MIPOL1: variants seen among roughly 807,000 people sequenced by gnomAD.
MIPOL1 encodes the protein mirror-image polydactyly 1.
A neutral mutation model predicts 60.9 loss-of-function variants in MIPOL1; 57 were observed. That is an observed-to-expected ratio of 0.94 (90% confidence interval 0.76 to 1.17). The LOEUF (loss-of-function observed/expected upper bound fraction) is 1.17. Among genes scored for constraint, MIPOL1 ranks in the 50% most tolerant of loss-of-function variants. MIPOL1 has a pLI of 0.00. For synonymous variants in MIPOL1, 179 were observed against 168.8 expected (o/e 1.06, Z -0.47); for missense variants, 551 against 511.6 (o/e 1.08, Z -0.74).
intron 9 of MIPOL1, among the ~76,000 whole-genome samples, chr14:37,351,408 C>A (rs2091361285): frequency 6.6e-6 from 1 of 150,692 alleles, no homozygotes; most frequent in Admixed American, 6.6e-5. Flanking sequence ...ATTTATAGTC[C>A]TTTGGGTATA....
At chr14:37,417,444 G>A (rs1177454330) in intron 10 of MIPOL1, among the ~76,000 whole-genome samples, 5 of 152,094 alleles carry the variant, frequency 3.3e-5, no homozygotes, top group Admixed American at 3.3e-4. Flanking sequence ...CAACCTCTAA[G>A]GAATCAGCTG....
rs2089729152 is a variant in MIPOL1 at position 37,331,965 on chromosome 14, A to T, written c.828+23446A>T. Reference sequence around the variant, plus strand: ...GGAGTTCAAGACCAGCCTGGCCAGGATGTCTCTACTAAAAATACAAAAATT... The same window carrying T: ...GGAGTTCAAGACCAGCCTGGCCAGGTTGTCTCTACTAAAAATACAAAAATT... On this transcript the variant is annotated intron_variant, in intron 9 of 12. Transcript: ENST00000684589. Among the ~76,000 whole-genome samples, 4 of 151,898 alleles carry T rather than the reference A, an allele frequency of 2.6e-5. No individual in the cohort carries two copies. In the East Asian group the frequency reaches 5.8e-4, roughly 22 times the overall value.
chr14:37,238,349 C>G (rs1185624924), intron 1 of MIPOL1, among the ~76,000 whole-genome samples: 1 of 152,102 alleles, frequency 6.6e-6, no homozygotes, highest in East Asian at 1.9e-4. Flanking sequence ...ATCCCATATT[C>G]TACCTGTCCT....
intron 1 of MIPOL1, among the ~76,000 whole-genome samples, chr14:37,206,138 TG>T (rs1566981983): frequency 6.6e-6 from 1 of 152,134 alleles, no homozygotes; most frequent in African/African-American, 2.4e-5. Flanking sequence ...GAGGTCTTCA[TG>T]GCAGCCCCTC....
At chr14:37,220,826 A>G (rs1968618191) in intron 1 of MIPOL1, among the ~76,000 whole-genome samples, 1 of 152,060 alleles carries the variant, frequency 6.6e-6, no homozygotes, top group Non-Finnish European at 1.5e-5. Flanking sequence ...CCCGGGCTGG[A>G]GTGCAGTGGC....
At chr14:37,433,443 T>C (rs1489934498) in intron 11 of MIPOL1, among the ~76,000 whole-genome samples, 1 of 152,244 alleles carries the variant, frequency 6.6e-6, no homozygotes, top group East Asian at 1.9e-4. Flanking sequence ...ATTGTTCAAC[T>C]TCCGCTTATG....
chr14:37,339,900 A>T, intron 9 of MIPOL1, among the ~76,000 whole-genome samples: 1 of 152,190 alleles, frequency 6.6e-6, no homozygotes, highest in Admixed American at 6.5e-5. Context: ...CATCTTAATT[A>T]GGGTGGTAGT....
intron 12 of MIPOL1, among the ~76,000 whole-genome samples, chr14:37,514,076 G>GA (rs2095350500): frequency 6.6e-6 from 1 of 152,054 alleles, no homozygotes. Flanking sequence ...ATTTGATAGG[G>GA]AAAAATACCA....
intron 7 of MIPOL1, among the ~76,000 whole-genome samples, chr14:37,288,128 A>G (rs894197328): frequency 6.6e-6 from 1 of 151,918 alleles, no homozygotes; most frequent in East Asian, 1.9e-4. Context: ...ATGGACTTTT[A>G]TTAATTGTTT....
intron 3 of MIPOL1, among the ~76,000 whole-genome samples, chr14:37,261,547 A>G (rs954571778): frequency 6.6e-6 from 1 of 152,108 alleles, no homozygotes; most frequent in Non-Finnish European, 1.5e-5. Flanking sequence ...TTTTCTTAAT[A>G]TTTGAGAGAA....
At chr14:37,369,436 A>G (rs2092576625) in intron 9 of MIPOL1, 81 bp from the exon 10 acceptor site, 5 of 918,064 alleles carry the variant, frequency 5.4e-6, no homozygotes, top group Non-Finnish European at 8.5e-6. Context: ...ATACAATGAT[A>G]TTATTTACAT....
At chr14:37,420,342 A>G (rs1226493691) in intron 10 of MIPOL1, among the ~76,000 whole-genome samples, 1 of 152,092 alleles carries the variant, frequency 6.6e-6, no homozygotes, top group African/African-American at 2.4e-5. Context: ...TTTTTGTTTA[A>G]TGCATGCATT....
At chr14:37,250,667 A>G (rs983682720) in intron 3 of MIPOL1, among the ~76,000 whole-genome samples, 1 of 152,218 alleles carries the variant, frequency 6.6e-6, no homozygotes, top group East Asian at 1.9e-4. Flanking sequence ...GGCAGGGTTC[A>G]TGGGATTTAT....
rs1427203629 is a variant in MIPOL1, at chr14:37,331,659, G to GT, written c.828+23147dup. Reference sequence around the variant, plus strand: ...CTGAATTCATTTATCAGTTCTAATAGTTTTTTTGTGTAGTTTTTAGGTTTT... The same window carrying GT: ...CTGAATTCATTTATCAGTTCTAATAGTTTTTTTTGTGTAGTTTTTAGGTTTT... On this transcript the variant is annotated intron_variant, in intron 9 of 12. Coordinates refer to ENST00000684589, the MANE Select transcript of MIPOL1 (RefSeq NM_001388067.1). Among the ~76,000 whole-genome samples, 5 of 151,280 alleles carry GT rather than the reference G, an allele frequency of 3.3e-5. No individual in the cohort carries two copies. The South Asian group carries it at 6.2e-4, about 19-fold the overall frequency.
intron 11 of MIPOL1, among the ~76,000 whole-genome samples, chr14:37,445,029 C>T (rs947469753): frequency 2.0e-5 from 3 of 152,070 alleles, no homozygotes; most frequent in Admixed American, 1.3e-4. Context: ...ACAGGGATGC[C>T]CTCTCTCACC....
chr14:37,475,961 G>T (rs753458385), intron 11 of MIPOL1, among the ~76,000 whole-genome samples: 4 of 152,056 alleles, frequency 2.6e-5, no homozygotes, highest in Admixed American at 1.3e-4. Flanking sequence ...AAAATAATTT[G>T]CTGGAATTTT....
At chr14:37,424,522 G>A (rs1414666113) in intron 11 of MIPOL1, among the ~76,000 whole-genome samples, 4 of 152,128 alleles carry the variant, frequency 2.6e-5, no homozygotes, top group Admixed American at 6.6e-5. Flanking sequence ...TAGCCCAGCC[G>A]ACACCTGATT....
chr14:37,219,557 G>A (rs1186108919), intron 1 of MIPOL1: 2 of 152,106 alleles, frequency 1.3e-5, no homozygotes, highest in South Asian at 2.1e-4. Context: ...TTGTAGGAAC[G>A]AGGTCTCACT....
chr14:37,440,488 C>A (rs1270162783), intron 11 of MIPOL1, among the ~76,000 whole-genome samples: 1 of 152,102 alleles, frequency 6.6e-6, no homozygotes, highest in Non-Finnish European at 1.5e-5. Flanking sequence ...CATGGGTACA[C>A]ATTTTTTAGC....
Sources: gnomAD v4.1 joint callset for allele counts (sites outside exome capture counted in the v4.1 genomes callset) on GRCh38, gnomAD v4.1.1 for gene constraint, MANE v1.5 for transcripts, NCBI Gene and HGNC (gene_info 2026-07-23, HGNC 2026-07-21) for gene names.